PTPRD: variants seen among roughly 807,000 people sequenced by gnomAD.
PTPRD encodes the protein receptor-type tyrosine-protein phosphatase delta.
PTPRD carries 34 observed loss-of-function variants against 214.5 expected under a neutral mutation model. The observed-to-expected ratio is 0.16, with a 90% CI of 0.12 to 0.21. The LOEUF (loss-of-function observed/expected upper bound fraction) is 0.21. Among genes scored for constraint, PTPRD ranks in the 10% least tolerant of loss-of-function variants. PTPRD has a pLI of 1.00. For synonymous variants in PTPRD, 1,128 were observed against 845.7 expected (o/e 1.33, Z -5.79); for missense variants, 2,545 against 2,398.7 (o/e 1.06, Z -1.27).
At chr9:10,222,927 G>T (rs2099576050) in intron 3 of PTPRD, among the ~76,000 whole-genome samples, 1 of 152,026 alleles carries the variant, frequency 6.6e-6, no homozygotes, top group South Asian at 2.1e-4. Context: ...ATTTGTGTTT[G>T]GTGGAGGGCA....
rs148791479 is a variant in PTPRD, at chr9:10,356,965, G to C, written c.-599-15948C>G. 3.4e-3 allele frequency among the ~76,000 whole-genome samples: 523 copies of C among 152,148 alleles called. 4 individuals are homozygous for C. Among genetic ancestry groups the C allele is most frequent in the African/African-American group, 0.012 (500 of 41,518 alleles). ...CAAAGTGCTGGGATTACAAGTGTGAGCCACCACGCCCGGCCCATAAGAACA... is the reference window on the plus strand; with the variant it reads ...CAAAGTGCTGGGATTACAAGTGTGACCCACCACGCCCGGCCCATAAGAACA... On this transcript the variant is annotated intron_variant, in intron 2 of 45. Transcript: ENST00000381196.
chr9:8,984,036 A>C (rs2099327438), intron 11 of PTPRD, among the ~76,000 whole-genome samples: 1 of 152,088 alleles, frequency 6.6e-6, no homozygotes, highest in Admixed American at 6.6e-5. Flanking sequence ...CTATACTATA[A>C]CGTATATTTA....
chr9:8,887,112 C>A (rs1262861553), intron 11 of PTPRD, among the ~76,000 whole-genome samples: 1 of 152,192 alleles, frequency 6.6e-6, no homozygotes, highest in African/African-American at 2.4e-5. Context: ...CAGTAAGTGA[C>A]TTGCCCAAGG....
chr9:10,407,505 T>G (rs992293227), intron 2 of PTPRD, among the ~76,000 whole-genome samples: 1 of 151,580 alleles, frequency 6.6e-6, no homozygotes, highest in Non-Finnish European at 1.5e-5. Flanking sequence ...CCATTCCTAA[T>G]AGAAATCAGC....
intron 3 of PTPRD, among the ~76,000 whole-genome samples, chr9:10,100,266 CTCATT>C (rs988495975): frequency 4.6e-5 from 7 of 151,774 alleles, no homozygotes; most frequent in African/African-American, 1.7e-4. Flanking sequence ...TTCCATCCAT[CTCATT>C]TAATAGTTAG....
At chr9:8,507,548 A>C in intron 21 of PTPRD, 114 bp from the exon 22 acceptor site, 7 of 1,276,450 alleles carry the variant, frequency 5.5e-6, no homozygotes, top group Non-Finnish European at 7.7e-6. Flanking sequence ...GTACCAGCTT[A>C]GTGGAAAACA....
intron 4 of PTPRD, among the ~76,000 whole-genome samples, chr9:9,957,774 G>A (rs1320861540): frequency 6.6e-6 from 1 of 151,944 alleles, no homozygotes; most frequent in African/African-American, 2.4e-5. Context: ...GTCACAACCT[G>A]ACTTCAAGAC....
chr9:10,568,845 G>T (rs533225441), intron 2 of PTPRD, among the ~76,000 whole-genome samples: 18 of 152,186 alleles, frequency 1.2e-4, no homozygotes, highest in African/African-American at 2.4e-4. Context: ...GCAATACCAT[G>T]CAGGACATAC....
intron 12 of PTPRD, among the ~76,000 whole-genome samples, chr9:8,692,666 C>T (rs540442799): frequency 1.2e-4 from 18 of 152,246 alleles, no homozygotes; most frequent in South Asian, 2.1e-4. Context: ...AAGTCAGGAA[C>T]GTGAAATACT....
intron 8 of PTPRD, among the ~76,000 whole-genome samples, chr9:9,407,066 A>ATAAG (rs2073732495): frequency 2.0e-5 from 3 of 151,900 alleles, no homozygotes; most frequent in African/African-American, 7.2e-5. Context: ...ATTTCATAAA[A>ATAAG]TACTGTTTTT....
intron 11 of PTPRD, among the ~76,000 whole-genome samples, chr9:8,960,298 G>C (rs1017644298): frequency 6.6e-6 from 1 of 152,064 alleles, no homozygotes; most frequent in African/African-American, 2.4e-5. Context: ...TATCATGATT[G>C]CTAATTCATA....
At chr9:8,333,856 A>C (rs529352582) in intron 43 of PTPRD, among the ~76,000 whole-genome samples, 1 of 137,176 alleles carries the variant, frequency 7.3e-6, no homozygotes, top group East Asian at 1.9e-4. Flanking sequence ...ATGGAAGGCA[A>C]AAAAAAAGAG....
intron 9 of PTPRD, among the ~76,000 whole-genome samples, chr9:9,304,680 A>G (rs1287033984): frequency 2.0e-5 from 3 of 150,878 alleles, no homozygotes; most frequent in African/African-American, 4.9e-5. Context: ...ATATTTCCCT[A>G]GAAATATATA....
intron 3 of PTPRD, among the ~76,000 whole-genome samples, chr9:10,257,508 G>T (rs1157265071): frequency 6.6e-6 from 1 of 152,192 alleles, no homozygotes. Flanking sequence ...GATTAGGCAA[G>T]CACAGAAATA....
At chr9:9,837,919 T>TC (rs1267993120) in intron 5 of PTPRD, among the ~76,000 whole-genome samples, 4 of 151,852 alleles carry the variant, frequency 2.6e-5, no homozygotes. Context: ...CCCTCCCCAC[T>TC]CCCCCAACCC....
chr9:9,708,385 T>C (rs1280513237), intron 7 of PTPRD, among the ~76,000 whole-genome samples: 2 of 152,120 alleles, frequency 1.3e-5, no homozygotes. Flanking sequence ...AGACAGACTA[T>C]ATTTCATTTA....
intron 9 of PTPRD, among the ~76,000 whole-genome samples, chr9:9,382,305 G>T (rs2062562312): frequency 6.6e-6 from 1 of 151,944 alleles, no homozygotes; most frequent in Admixed American, 6.6e-5. Flanking sequence ...ATTGGTTTTG[G>T]CAATGACATT....
In PTPRD at chr9:10,231,989, A is replaced by AGAGAGAGAGAGAGAGAGTGTGTGT. The variant is rs1245284728; in HGVS notation, c.-545+108973_-545+108974insACACACACTCTCTCTCTCTCTCTC. ...GAGAGAGAGAGAGAGAGAGAGAGAG[A>AGAGAGAGAGAGAGAGAGTGTGTGT]GTGTGTGTGTGTGTGTGTGTGTGTG... is the stretch of plus-strand genomic sequence containing the variant. On this transcript the variant is annotated intron_variant, in intron 3 of 45. Transcript: ENST00000381196. 6.5e-5 allele frequency among the ~76,000 whole-genome samples: 6 copies of AGAGAGAGAGAGAGAGAGTGTGTGT among 92,496 alleles called. 1 individual carries two copies. Among genetic ancestry groups the AGAGAGAGAGAGAGAGAGTGTGTGT allele is most frequent in the African/African-American group, 3.2e-4 (6 of 18,960 alleles). 60.7% of individuals were successfully genotyped at this position (92,496 alleles called of 152,430 possible). A position where few individuals can be genotyped will look rare whatever the true frequency, so the allele number is the denominator to read the frequency against.
intron 14 of PTPRD, among the ~76,000 whole-genome samples, chr9:8,624,227 G>A (rs1272726027): frequency 6.6e-6 from 1 of 151,860 alleles, no homozygotes; most frequent in African/African-American, 2.4e-5. Flanking sequence ...GGAAAAAAAG[G>A]AACTAAAATT....
Sources: gnomAD v4.1 joint callset for allele counts (sites outside exome capture counted in the v4.1 genomes callset) on GRCh38, gnomAD v4.1.1 for gene constraint, MANE v1.5 for transcripts, NCBI Gene and HGNC (gene_info 2026-07-23, HGNC 2026-07-21) for gene names.